The following B3GALT1 variants were observed in gnomAD, a reference collection of about 807,000 sequenced individuals.
B3GALT1 encodes the protein UDP-Gal:betaGlcNAc beta 1,3-galactosyltransferase, polypeptide 1.
B3GALT1 carries 10 observed loss-of-function variants against 23.2 expected under a neutral mutation model. The observed-to-expected ratio is 0.43, with a 90% confidence interval of 0.27 to 0.73. The LOEUF is 0.73. B3GALT1 is among the 30% of genes least tolerant of loss of function. The pLI, the probability that B3GALT1 is intolerant of heterozygous loss-of-function variation, is 0.21. For missense variants in B3GALT1, 299 were observed against 405.4 expected (o/e 0.74, Z 2.25); for synonymous variants, 156 against 141.5 (o/e 1.10, Z -0.73).
chr2:167,356,110 A>G (rs1247080775), intron 1 of B3GALT1, among the ~76,000 whole-genome samples: 1 of 152,188 alleles, frequency 6.6e-6, no homozygotes, highest in Non-Finnish European at 1.5e-5. Context: ...TCCTCTGGCA[A>G]GATAGTTACT....
At chr2:167,627,703 G>A (rs1316057995) in intron 2 of B3GALT1, among the ~76,000 whole-genome samples, 1 of 151,538 alleles carries the variant, frequency 6.6e-6, no homozygotes, top group African/African-American at 2.4e-5. Context: ...TGGAACAACT[G>A]GGTCATATGA....
intron 1 of B3GALT1, among the ~76,000 whole-genome samples, chr2:167,377,780 C>A (rs1403357892): frequency 6.6e-6 from 1 of 152,064 alleles, no homozygotes; most frequent in Non-Finnish European, 1.5e-5. Flanking sequence ...ATTCAACTTG[C>A]CACTCTGTGC....
chr2:167,714,979 T>C (rs1687121000), intron 3 of B3GALT1: 6 of 1,611,628 alleles, frequency 3.7e-6, no homozygotes, highest in Non-Finnish European at 5.1e-6. Context: ...ACTGCAAAGA[T>C]GCTTGTTGAG....
chr2:167,369,603 G>A (rs1291704657), intron 1 of B3GALT1, among the ~76,000 whole-genome samples: 15 of 152,130 alleles, frequency 9.9e-5, no homozygotes, highest in Admixed American at 9.2e-4. Flanking sequence ...TACAAAGGTG[G>A]TGATAGTAAT....
chr2:167,313,452 A>G (rs528208178), intron 1 of B3GALT1, among the ~76,000 whole-genome samples: 2 of 152,316 alleles, frequency 1.3e-5, no homozygotes, highest in Admixed American at 6.5e-5. Flanking sequence ...AGATACCTGT[A>G]TATAGAAAAA....
chr2:167,685,796 G>T (rs1686609239), intron 3 of B3GALT1, among the ~76,000 whole-genome samples: 1 of 152,146 alleles, frequency 6.6e-6, no homozygotes, highest in African/African-American at 2.4e-5. Flanking sequence ...CCCAAACCCT[G>T]CTCTTTTATC....
chr2:167,616,418 G>A lies in B3GALT1; in HGVS notation c.-409-30491G>A, dbSNP rs184053705. 1.4e-3 allele frequency among the ~76,000 whole-genome samples: 213 copies of A among 152,080 alleles called. 2 individuals carry two copies. The highest frequency in any genetic ancestry group is 0.01 in the Middle Eastern group (3 of 294). The stretch of plus-strand genomic sequence containing the variant: ...CTGTAGGAAAAATATATAATAAAAT[G>A]TAGGCCAGGCACGGTGGCTCACACA... On this transcript the variant is annotated intron_variant, in intron 2 of 4. Transcript: ENST00000392690.
In B3GALT1 at chr2:167,873,123, T is replaced by G. The variant is rs1324608421; in HGVS notation, c.*3103T>G. 1.3e-5 allele frequency: 2 copies of G among 152,178 alleles called. No homozygotes were observed. Among genetic ancestry groups the G allele is most frequent in the African/African-American group, 4.8e-5 (2 of 41,414 alleles). The allele number at this position is 152,178 out of a possible 1,614,324, so 9.4% of individuals were successfully genotyped here. A position where few individuals can be genotyped will look rare whatever the true frequency, so the allele number is the denominator to read the frequency against. On this transcript the variant is annotated 3_prime_UTR_variant, in exon 5 of 5. Coordinates refer to ENST00000392690, the MANE Select transcript of B3GALT1 (RefSeq NM_020981.4). Reference sequence around the variant, plus strand: ...TCCCTGACATAAAATATGCAATGTTTTAGACAGTATTCTACCAAGAGTCTC... The same window carrying G: ...TCCCTGACATAAAATATGCAATGTTGTAGACAGTATTCTACCAAGAGTCTC...
chr2:167,748,004 G>A (rs1370064603), intron 3 of B3GALT1, among the ~76,000 whole-genome samples: 1 of 151,950 alleles, frequency 6.6e-6, no homozygotes, highest in East Asian at 1.9e-4. Flanking sequence ...AGCATTTCTA[G>A]TATCCATATT....
At chr2:167,560,293 C>A (rs747657070) in intron 2 of B3GALT1, among the ~76,000 whole-genome samples, 5 of 152,052 alleles carry the variant, frequency 3.3e-5, no homozygotes, top group African/African-American at 9.7e-5. Flanking sequence ...CCTCAAAGAG[C>A]TCCTAAAGGA....
intron 2 of B3GALT1, among the ~76,000 whole-genome samples, chr2:167,557,207 G>T (rs1683869291): frequency 6.6e-6 from 1 of 151,838 alleles, no homozygotes; most frequent in Non-Finnish European, 1.5e-5. Context: ...GAGATGGGTT[G>T]TGTGATCAAA....
Position 167,676,252 on chromosome 2 carries a change from A to G in B3GALT1, c.-352+29286A>G, listed in dbSNP as rs181483662. ...AAGTGCAACATGCAAACTCATAAATAACTTTTTTATCCCAAAGGTTTTGTT... is the reference window on the plus strand; with the variant it reads ...AAGTGCAACATGCAAACTCATAAATGACTTTTTTATCCCAAAGGTTTTGTT... On this transcript the variant is annotated intron_variant, in intron 3 of 4. Coordinates refer to ENST00000392690, the MANE Select transcript of B3GALT1 (RefSeq NM_020981.4). Among the ~76,000 whole-genome samples, 27 of 152,308 alleles carry G rather than the reference A, an allele frequency of 1.8e-4. No homozygotes were observed. The East Asian group carries it at 4.6e-3, about 26-fold the overall frequency.
At chr2:167,372,796 A>G (rs1697706474) in intron 1 of B3GALT1, among the ~76,000 whole-genome samples, 1 of 152,120 alleles carries the variant, frequency 6.6e-6, no homozygotes, top group African/African-American at 2.4e-5. Context: ...ACTGAAAACT[A>G]GAAAACGTTG....
chr2:167,530,172 T>G (rs1327645936), intron 2 of B3GALT1, among the ~76,000 whole-genome samples: 1 of 151,996 alleles, frequency 6.6e-6, no homozygotes, highest in Non-Finnish European at 1.5e-5. Flanking sequence ...GCTCCCTCAT[T>G]TAATTCAGAT....
chr2:167,563,987 G>A (rs1261252283), intron 2 of B3GALT1, among the ~76,000 whole-genome samples: 6 of 143,444 alleles, frequency 4.2e-5, no homozygotes, highest in Admixed American at 1.4e-4. Flanking sequence ...CGGGGCAGCC[G>A]GCCGGACGGG....
chr2:167,515,364 C>T (rs1359294290), intron 2 of B3GALT1, among the ~76,000 whole-genome samples: 1 of 152,110 alleles, frequency 6.6e-6, no homozygotes, highest in African/African-American at 2.4e-5. Flanking sequence ...ACAAATACTT[C>T]AGATGGAGAA....
chr2:167,596,190 A>G (rs1574158786), intron 2 of B3GALT1, among the ~76,000 whole-genome samples: 1 of 152,350 alleles, frequency 6.6e-6, no homozygotes, highest in East Asian at 1.9e-4. Flanking sequence ...TTTGAGAGAA[A>G]TAGAATGAGA....
chr2:167,511,895 A>G (rs1282541786), intron 2 of B3GALT1, among the ~76,000 whole-genome samples: 1 of 152,220 alleles, frequency 6.6e-6, no homozygotes, highest in African/African-American at 2.4e-5. Flanking sequence ...CTCAAAATAC[A>G]TTTATTATTG....
intron 1 of B3GALT1, among the ~76,000 whole-genome samples, chr2:167,363,222 A>T (rs1335530047): frequency 1.3e-5 from 2 of 151,734 alleles, no homozygotes; most frequent in Non-Finnish European, 2.9e-5. Flanking sequence ...GGAGCATTCA[A>T]AAAGACTTCT....
Sources: gnomAD v4.1 joint callset for allele counts (sites outside exome capture counted in the v4.1 genomes callset) on GRCh38, gnomAD v4.1.1 for gene constraint, MANE v1.5 for transcripts, NCBI Gene and HGNC (gene_info 2026-07-23, HGNC 2026-07-21) for gene names.